Variants in TMEM209 observed in about 807,000 individuals in gnomAD.
TMEM209 encodes transmembrane protein 209.
A neutral mutation model predicts 76.2 loss-of-function variants in TMEM209; 65 were observed. The observed-to-expected ratio is 0.85, with a 90% CI of 0.70 to 1.05. The LOEUF (loss-of-function observed/expected upper bound fraction) is 1.05, where lower values mean the gene tolerates loss of function less well. Ranked by LOEUF, TMEM209 falls within the 50% of genes least tolerant of loss-of-function variation. TMEM209 has a pLI of 0.00. For missense variants in TMEM209, 623 were observed against 685.5 expected, an observed-to-expected ratio of 0.91 and a Z score of 1.02; for synonymous variants, 239 against 237.6, an observed-to-expected ratio of 1.01 and a Z score of -0.06.
At chr7:130,203,682 G>A in intron 3 of TMEM209, 106 bp downstream of exon 3, 2 of 947,772 alleles carry the variant, frequency 2.1e-6, no homozygotes, top group Non-Finnish European at 3.2e-6. Context: ...CAACCCAGCA[G>A]GCAGTCAAAT....
At chr7:130,200,869 C>A (rs1293424951) in intron 5 of TMEM209, among the ~76,000 whole-genome samples, 1 of 151,818 alleles carries the variant, frequency 6.6e-6, no homozygotes, top group African/African-American at 2.4e-5. Context: ...GAGGGCAGAT[C>A]GCAAGGTCAG....
chr7:130,169,657 A>G (rs1294866629), intron 14 of TMEM209, among the ~76,000 whole-genome samples: 1 of 152,116 alleles, frequency 6.6e-6, no homozygotes, highest in Non-Finnish European at 1.5e-5. Flanking sequence ...AATTACAAAC[A>G]GGATGCTATC....
intron 6 of TMEM209, among the ~76,000 whole-genome samples, chr7:130,190,948 A>T (rs891384927): frequency 6.6e-6 from 1 of 151,816 alleles, no homozygotes; most frequent in African/African-American, 2.4e-5. Flanking sequence ...GCGAGCCAAG[A>T]CTGCACCACT....
chr7:130,170,733 T>C (rs115735935), intron 13 of TMEM209, among the ~76,000 whole-genome samples: 2,264 of 151,856 alleles, frequency 0.015, 48 homozygotes, highest in African/African-American at 0.052. Flanking sequence ...CACAACAAAG[T>C]GTGAGGAATG....
Position 130,201,967 on chromosome 7 carries a change from G to A in TMEM209, c.456C>T (p.Pro152=). 6.2e-7 allele frequency: 1 copy of A among 1,613,900 alleles called. No individual in the cohort carries two copies. Among genetic ancestry groups the A allele is most frequent in the Non-Finnish European group, 8.5e-7 (1 of 1,179,874 alleles). The stretch of plus-strand genomic sequence containing the variant: ...CAGTCATACAGCTGGTGGTGAACTT[G>A]GGACTGGTACTGGGCGAACGAGAAG... The part of the protein sequence containing the change: ...YSPSRSPSTS[P]KFTTSCMTGY... Residue 152 remains proline (P), a synonymous_variant, in exon 5 of 15, where the codon CCC becomes CCT. Coordinates refer to ENST00000397622, the MANE Select transcript of TMEM209 (RefSeq NM_032842.4).
chr7:130,183,824 C>G (rs188453872), intron 8 of TMEM209, among the ~76,000 whole-genome samples: 2 of 152,278 alleles, frequency 1.3e-5, no homozygotes, highest in African/African-American at 4.8e-5. Flanking sequence ...TTTAAGTTTT[C>G]TGAGGGCAAG....
intron 5 of TMEM209, among the ~76,000 whole-genome samples, chr7:130,201,089 A>C (rs1242255232): frequency 8.5e-4 from 1 of 1,178 alleles, no homozygotes; most frequent in African/African-American, 1.2e-3. Context: ...ACTCTGTCTC[A>C]AAAAAAAAAA....
chr7:130,176,101 G>A (rs1797227117), intron 10 of TMEM209, among the ~76,000 whole-genome samples: 1 of 148,494 alleles, frequency 6.7e-6, no homozygotes, highest in Admixed American at 6.8e-5. Context: ...GAACAAGACA[G>A]TGTTCACTGT....
At position 130,173,845 on chromosome 7, in the gene TMEM209, AC is replaced by A; in HGVS notation, c.1438del (p.Val480PhefsTer50). The A allele has an allele frequency of 1.2e-6, 2 of 1,613,880 alleles. No homozygotes were observed. Among genetic ancestry groups the A allele is most frequent in the Non-Finnish European group, 1.7e-6 (2 of 1,179,776 alleles). ...DGKTFTSQHFVQTPNKPDVTN... is the reference protein window; with the variant it reads ...DGKTFTSQHFXQTPNKPDVTN... Reference sequence around the variant, plus strand: ...TATACCTGGTTTATTTGGTGTCTGAACAAAGTGCTGAGAAGTAAAAGTTTTT... The same window carrying A: ...TATACCTGGTTTATTTGGTGTCTGAAAAAGTGCTGAGAAGTAAAAGTTTTT... On this transcript the variant is annotated frameshift_variant, in exon 12 of 15. Coordinates refer to ENST00000397622, the MANE Select transcript of TMEM209 (RefSeq NM_032842.4). LOFTEE classifies it high-confidence loss of function.
chr7:130,171,687 G>C (rs1452073210), intron 13 of TMEM209, among the ~76,000 whole-genome samples: 1 of 152,132 alleles, frequency 6.6e-6, no homozygotes, highest in Non-Finnish European at 1.5e-5. Context: ...AAAGATGCTG[G>C]TAACAAAAAT....
At chr7:130,170,334 C>A in intron 14 of TMEM209, 66 bp downstream of exon 14, 1 of 1,362,740 alleles carries the variant, frequency 7.3e-7, no homozygotes, top group Admixed American at 1.8e-5. Flanking sequence ...CTGCCTTCTG[C>A]AGAATCTTAA....
In TMEM209 at chr7:130,192,793, GAGA is replaced by G. The variant is rs777675540; in HGVS notation, c.601_603del (p.Ser201del). 4 of 1,613,934 alleles carry G rather than the reference GAGA, an allele frequency of 2.5e-6. No homozygotes were observed. In the South Asian group the frequency reaches 3.3e-5, roughly 13 times the overall value. On this transcript the variant is annotated inframe_deletion, in exon 6 of 15. Transcript: ENST00000397622. ...ACTGGTCCAACAGTGGTAGGGTACG[GAGA>G]AGGAGGAGAGGGGCTAAAGCTCGCC...
At chr7:130,190,781 G>A (rs374384854) in intron 6 of TMEM209, among the ~76,000 whole-genome samples, 1 of 151,858 alleles carries the variant, frequency 6.6e-6, no homozygotes, top group Non-Finnish European at 1.5e-5. Flanking sequence ...TGGATTGTGT[G>A]AGCTCAGGAG....
intron 5 of TMEM209, among the ~76,000 whole-genome samples, chr7:130,196,606 A>C (rs752302902): frequency 6.6e-6 from 1 of 152,146 alleles, no homozygotes; most frequent in Non-Finnish European, 1.5e-5. Context: ...AATTAACCTA[A>C]GTGAGGTCAT....
At chr7:130,194,708 A>T (rs937272605) in intron 5 of TMEM209, among the ~76,000 whole-genome samples, 2 of 152,184 alleles carry the variant, frequency 1.3e-5, no homozygotes, top group Non-Finnish European at 2.9e-5. Context: ...CAAGAATTTT[A>T]AAAATTGGAC....
At chr7:130,187,165 C>G (rs944690037) in intron 6 of TMEM209, among the ~76,000 whole-genome samples, 2 of 151,856 alleles carry the variant, frequency 1.3e-5, no homozygotes, top group Middle Eastern at 3.4e-3. Flanking sequence ...ATTGCTTGAA[C>G]CCGGGAAGCG....
rs752323525 is a variant in TMEM209, at chr7:130,181,729, A to G, written c.1024-10T>C. On this transcript the variant is annotated splice_polypyrimidine_tract_variant and intron_variant, in intron 8 of 14. Transcript: ENST00000397622. ...TTGTCTCATTGATCCACTAGAAGAAATAAGGTACAGATTTTGGATACATAA... is the reference window on the plus strand; with the variant it reads ...TTGTCTCATTGATCCACTAGAAGAAGTAAGGTACAGATTTTGGATACATAA... 16 of 1,595,512 alleles carry G rather than the reference A, an allele frequency of 1.0e-5. No individual in the cohort carries two copies. The highest frequency in any genetic ancestry group is 1.4e-5 in the Non-Finnish European group (16 of 1,169,598).
intron 9 of TMEM209, among the ~76,000 whole-genome samples, chr7:130,180,732 T>C (rs912303670): frequency 7.2e-5 from 11 of 152,210 alleles, no homozygotes; most frequent in African/African-American, 1.9e-4. Context: ...TCAACATCAG[T>C]AGTCATCATG....
chr7:130,169,383 T>TA (rs1796989050), intron 14 of TMEM209, among the ~76,000 whole-genome samples: 1 of 152,190 alleles, frequency 6.6e-6, no homozygotes. Context: ...TTCTAGTAGA[T>TA]ACCTAATAAA....
Sources: gnomAD v4.1 joint callset for allele counts (sites outside exome capture counted in the v4.1 genomes callset) on GRCh38, gnomAD v4.1.1 for gene constraint, MANE v1.5 for transcripts, NCBI Gene and HGNC (gene_info 2026-07-23, HGNC 2026-07-21) for gene names.